The following NEURL4 variants were observed in gnomAD, a reference collection of about 807,000 sequenced individuals.
NEURL4 encodes neuralized E3 ubiquitin protein ligase 4.
A neutral mutation model predicts 148.0 loss-of-function variants in NEURL4; 45 were observed. The ratio of observed to expected loss-of-function variants is 0.30; its 90% CI spans 0.24 to 0.39. The LOEUF (loss-of-function observed/expected upper bound fraction) is 0.39, where lower values mean the gene tolerates loss of function less well. NEURL4 is among the 10% of genes least tolerant of loss of function. The pLI is 1.00. For synonymous variants in NEURL4, 854 were observed against 869.0 expected (o/e 0.98, Z 0.30); for missense variants, 1,776 against 2,144.0 (o/e 0.83, Z 3.39).
rs1414657389 is a variant in NEURL4, at chr17:7,317,270, G to A, written c.4419C>T (p.Pro1473=). ...ENCAPPREEQ[P]PPVLLSPSLQ... is the part of the protein sequence containing the mutation. Reference sequence around the variant, plus strand: ...GGGAGGGGGAAAGCAGCACAGGAGGGGGCTGCTCCTCCCGAGGAGGTGCAC... The same window carrying A: ...GGGAGGGGGAAAGCAGCACAGGAGGAGGCTGCTCCTCCCGAGGAGGTGCAC... Residue 1473 remains proline (P), a synonymous_variant, in exon 28 of 29, where the codon CCC becomes CCT. Transcript: ENST00000399464. 6.6e-7 allele frequency: 1 copy of A among 1,525,082 alleles called. No homozygotes were observed. The highest frequency in any genetic ancestry group is 8.8e-7 in the Non-Finnish European group (1 of 1,138,308). The allele number at this position is 1,525,082 out of a possible 1,614,324, so 94.5% of individuals were successfully genotyped here.
Position 7,323,035 on chromosome 17 carries a change from T to A in NEURL4, c.2506A>T (p.Met836Leu). 1 of 1,613,794 alleles carries A rather than the reference T, an allele frequency of 6.2e-7. No homozygotes were observed. Among genetic ancestry groups the A allele is most frequent in the Non-Finnish European group, 8.5e-7 (1 of 1,179,996 alleles). The part of the protein sequence containing the change: ...DALGTGARIG[M>L]MRTAKGDLHY... ...AGGTCGCCCTTGGCAGTTCGCATCA[T>A]GCCAATGCGTGCACCTGTGCCCAGC... Residue 836 changes from methionine (M) to leucine (L), a missense_variant, in exon 15 of 29, where the codon ATG (methionine) becomes TTG (leucine). Transcript: ENST00000399464.
rs770991902 is a variant in NEURL4 at position 7,327,728 on chromosome 17, C to A, written c.439G>T (p.Gly147Cys). Residue 147 changes from glycine to cysteine, a missense_variant, in exon 2 of 29, where the codon GGT becomes TGT. Physicochemically the swap from Gly to Cys is radical, Grantham distance 159. Coordinates refer to ENST00000399464, the MANE Select transcript of NEURL4 (RefSeq NM_032442.3). This position sits in a 1 kb window ranked among gnomAD's most constrained non-coding sequence, Gnocchi z 6.6. ...RDGRSVLEEY[G>C]QDLDQLGEGD... ...TCACCAAGCTGGTCCAGGTCCTGAC[C>A]ATACTCCTCCAACACAGAGCGTCCA... is the stretch of plus-strand genomic sequence containing the variant. 1.2e-6 allele frequency: 2 copies of A among 1,614,126 alleles called. No individual in the cohort carries two copies. The highest frequency in any genetic ancestry group is 4.5e-5 in the East Asian group (2 of 44,882).
At chr17:7,316,421 T>A in intron 28 of NEURL4, 94 bp from the exon 29 acceptor site, 1 of 965,934 alleles carries the variant, frequency 1.0e-6, no homozygotes, top group Non-Finnish European at 1.6e-6. Context: ...TTGCTGTACC[T>A]AGGAAATACT....
intron 13 of NEURL4, 41 bp from the exon 14 acceptor site, chr17:7,323,604 C>A (rs773291562): frequency 1.2e-6 from 2 of 1,613,958 alleles, no homozygotes; most frequent in Non-Finnish European, 1.7e-6. Context: ...ATCCCCAAGG[C>A]ACAGACATCC....
intron 21 of NEURL4, among the ~76,000 whole-genome samples, chr17:7,319,977 C>A (rs113171134): frequency 8.5e-4 from 123 of 145,306 alleles, no homozygotes; most frequent in Admixed American, 2.1e-3. Context: ...CTACAGGCGC[C>A]CGCCACCACG....
chr17:7,327,327 C>A lies in NEURL4; in HGVS notation c.728-97G>T, dbSNP rs2073115683. On this transcript the variant is annotated intron_variant, in intron 2 of 28. Coordinates refer to ENST00000399464, the MANE Select transcript of NEURL4 (RefSeq NM_032442.3). The surrounding 1 kb of genome is among the most constrained non-coding windows in gnomAD (Gnocchi z 6.6). ...CCCCATCCTCTAGCTCCTGCTCTCC[C>A]ATTCAACAGACTTGGGGATCAGGGT... is the stretch of plus-strand genomic sequence containing the variant. 1.5e-5 allele frequency: 21 copies of A among 1,447,240 alleles called. No individual in the cohort carries two copies. Among genetic ancestry groups the A allele is most frequent in the Admixed American group, 2.2e-5 (1 of 45,178 alleles). The allele number at this position is 1,447,240 out of a possible 1,614,324, so 89.6% of individuals were successfully genotyped here.
intron 21 of NEURL4, among the ~76,000 whole-genome samples, chr17:7,319,504 C>A (rs1297255760): frequency 6.7e-6 from 1 of 149,864 alleles, no homozygotes; most frequent in Non-Finnish European, 1.5e-5. Context: ...AGTTTGAGAC[C>A]AGCCTGACCA....
At position 7,324,423 on chromosome 17, in the gene NEURL4, T is replaced by G; in HGVS notation, c.1871A>C (p.Glu624Ala). 6.2e-7 allele frequency: 1 copy of G among 1,614,194 alleles called. No individual in the cohort carries two copies. ...GAGGCGGTCCAGATTGTGCCCGTAT[T>G]CATCCAGGATGGTCGTCCCATTGTG... ...VMHNGTTILD[E>A]YGHNLDRLKA... The change falls in exon 10 of 29, where the codon GAA becomes GCA. Residue 624 changes from glutamate (E) to alanine (A), a missense_variant. Glu to Ala is a moderately radical substitution (Grantham distance 107, BLOSUM62 -1). Transcript: ENST00000399464. The surrounding 1 kb of genome is among the most constrained non-coding windows in gnomAD (Gnocchi z 5.9).
rs1203351903 is a variant in NEURL4, at chr17:7,322,683, AG to A, written c.2725+51del. The A allele has an allele frequency of 2.5e-6, 4 of 1,592,606 alleles. No individual in the cohort carries two copies. The highest frequency in any genetic ancestry group is 1.3e-5 in the African/African-American group (1 of 74,654). ...CTCTAACCTGGAAACCCTACTCCTC[AG>A]GTGCACAGCAGGCAAGCAGAGCCCG... On this transcript the variant is annotated intron_variant, in intron 16 of 28. Coordinates refer to ENST00000399464, the MANE Select transcript of NEURL4 (RefSeq NM_032442.3). This position sits in a 1 kb window ranked among gnomAD's most constrained non-coding sequence, Gnocchi z 5.5.
In NEURL4 at chr17:7,326,738, G is replaced by A. The variant is rs2073107575; in HGVS notation, c.1065C>T (p.Arg355=). The change falls in exon 4 of 29, where the codon CGC becomes CGT. Residue 355 remains arginine, a synonymous_variant. Coordinates refer to ENST00000399464, the MANE Select transcript of NEURL4 (RefSeq NM_032442.3). This position sits in a 1 kb window ranked among gnomAD's most constrained non-coding sequence, Gnocchi z 6.0. ...EFNNGVVMTN[R]PLRDNEMFEI... ...CAAACATCTCATTGTCCCGAAGGGG[G>A]CGATTGGTCATGACAACCCCATTGT... 1 of 1,611,978 alleles carries A rather than the reference G, an allele frequency of 6.2e-7. No individual in the cohort carries two copies. Among genetic ancestry groups the A allele is most frequent in the South Asian group, 1.1e-5 (1 of 90,876 alleles).
intron 21 of NEURL4, among the ~76,000 whole-genome samples, chr17:7,319,863 T>C (rs1312415105): frequency 3.3e-5 from 5 of 151,912 alleles, no homozygotes; most frequent in Admixed American, 2.0e-4. Context: ...GGAGTCTCGC[T>C]CTGTTGCCCA....
chr17:7,327,794 C>A lies in NEURL4; in HGVS notation c.373G>T (p.Gly125Trp), dbSNP rs778898477. The A allele has an allele frequency of 9.3e-6, 15 of 1,613,992 alleles. No homozygotes were observed. Among genetic ancestry groups the A allele is most frequent in the Non-Finnish European group, 1.2e-5 (14 of 1,180,036 alleles). The change falls in exon 2 of 29, where the codon GGG becomes TGG. Residue 125 changes from glycine to tryptophan, a missense_variant. Physicochemically the swap from Gly to Trp is radical, Grantham distance 184. Transcript: ENST00000399464. This position sits in a 1 kb window ranked among gnomAD's most constrained non-coding sequence, Gnocchi z 6.6. ...DFPSSATGLK[G>W]GSWVVSGCSV... ...CAGCCCGACACTACCCACGAGCCCC[C>A]CTTCAGGCCCGTGGCACTGCTTGGA...
chr17:7,325,399 T>C lies in NEURL4; in HGVS notation c.1441A>G (p.Ile481Val), dbSNP rs1480249087. The C allele has an allele frequency of 5.0e-6, 8 of 1,613,030 alleles. No individual in the cohort carries two copies. The highest frequency in any genetic ancestry group is 2.2e-5 in the East Asian group (1 of 44,896). The part of the protein sequence containing the change: ...DLYGMAVKVT[I>V]VHNNNHSDRL... ...TCACTGTGGTTGTTATTGTGGACGA[T>C]GGTCACCTTCACTGCCATCCCGTAC... Residue 481 changes from isoleucine (I) to valine (V), a missense_variant, in exon 8 of 29, where the codon ATC (isoleucine) becomes GTC (valine). By Grantham distance (29) the Ile-to-Val change is conservative (BLOSUM62 3). Coordinates refer to ENST00000399464, the MANE Select transcript of NEURL4 (RefSeq NM_032442.3).
chr17:7,324,351 G>A lies in NEURL4; in HGVS notation c.1899+44C>T. The A allele has an allele frequency of 6.2e-6, 10 of 1,613,918 alleles. No individual in the cohort carries two copies. Among genetic ancestry groups the A allele is most frequent in the African/African-American group, 1.3e-5 (1 of 75,064 alleles). On this transcript the variant is annotated intron_variant, in intron 10 of 28. Transcript: ENST00000399464. The surrounding 1 kb of genome is among the most constrained non-coding windows in gnomAD (Gnocchi z 5.9). ...GTCCTGCATCAGCCCCGCGGTGTTT[G>A]TGATGCCCGCTGCGGCCGCCAGGCG...
chr17:7,321,335 G>A lies in NEURL4; in HGVS notation c.3198+26C>T, dbSNP rs1231848036. 1 of 1,613,838 alleles carries A rather than the reference G, an allele frequency of 6.2e-7. No individual in the cohort carries two copies. Among genetic ancestry groups the A allele is most frequent in the Admixed American group, 1.7e-5 (1 of 59,994 alleles). ...GCAGAAGACCTCAACCATCCTCCCA[G>A]AACCCAAGGAAGCGTTCAGGTCTAC... On this transcript the variant is annotated intron_variant, in intron 19 of 28. Transcript: ENST00000399464. This position sits in a 1 kb window ranked among gnomAD's most constrained non-coding sequence, Gnocchi z 6.3.
chr17:7,317,420 C>T, intron 27 of NEURL4, 41 bp downstream of exon 27: 4 of 1,613,166 alleles, frequency 2.5e-6, no homozygotes, highest in Non-Finnish European at 3.4e-6. Context: ...TCCACAGCCC[C>T]CCAGGCTCAG....
chr17:7,324,252 C>G lies in NEURL4; in HGVS notation c.1918G>C (p.Val640Leu). The G allele has an allele frequency of 6.2e-7, 1 of 1,614,002 alleles. No individual in the cohort carries two copies. Among genetic ancestry groups the G allele is most frequent in the Non-Finnish European group, 8.5e-7 (1 of 1,179,994 alleles). Residue 640 changes from valine to leucine, a missense_variant, in exon 11 of 29, where the codon GTG (valine) becomes CTG (leucine). Coordinates refer to ENST00000399464, the MANE Select transcript of NEURL4 (RefSeq NM_032442.3). This position sits in a 1 kb window ranked among gnomAD's most constrained non-coding sequence, Gnocchi z 5.9. ...DRLKAGDTVG[V>L]VRREDGTLHF... ...AGAGTCCCGTCCTCCCGCCGTACCACGCCCACCGTGTCCCCTGCCTTGGAA... is the reference window on the plus strand; with the variant it reads ...AGAGTCCCGTCCTCCCGCCGTACCAGGCCCACCGTGTCCCCTGCCTTGGAA...
intron 21 of NEURL4, 104 bp downstream of exon 21, chr17:7,320,655 T>A: frequency 9.7e-7 from 1 of 1,035,304 alleles, no homozygotes; most frequent in Non-Finnish European, 1.4e-6. Context: ...CTCATCCAAG[T>A]GGCTTGCTTT....
Position 7,327,571 on chromosome 17 carries a change from C to A in NEURL4, c.596G>T (p.Cys199Phe). 6.2e-7 allele frequency: 1 copy of A among 1,611,326 alleles called. No individual in the cohort carries two copies. The highest frequency in any genetic ancestry group is 8.5e-7 in the Non-Finnish European group (1 of 1,179,676). ...VWAVVDLYGKCTQITVLPPEP... is the reference protein window; with the variant it reads ...VWAVVDLYGKFTQITVLPPEP... ...AGGGGGTAGCACGGTGATCTGGGTGCACTTGCCATAAAGGTCCACGACGGC... is the reference window on the plus strand; with the variant it reads ...AGGGGGTAGCACGGTGATCTGGGTGAACTTGCCATAAAGGTCCACGACGGC... The change falls in exon 2 of 29, where the codon TGC (cysteine) becomes TTC (phenylalanine). Residue 199 changes from cysteine (C) to phenylalanine (F), a missense_variant. By Grantham distance (205) the Cys-to-Phe change is radical. Coordinates refer to ENST00000399464, the MANE Select transcript of NEURL4 (RefSeq NM_032442.3). The surrounding 1 kb of genome is among the most constrained non-coding windows in gnomAD (Gnocchi z 6.6).
Sources: allele counts gnomAD v4.1 joint callset (sites outside exome capture counted in the v4.1 genomes callset), GRCh38; gene constraint gnomAD v4.1.1; non-coding constraint Gnocchi (gnomAD v3.1); transcripts MANE v1.5; gene names NCBI Gene and HGNC (gene_info 2026-07-23, HGNC 2026-07-21).